Variants in ZFPM2 observed in about 807,000 individuals in gnomAD.
ZFPM2 encodes the protein zinc finger protein, FOG family member 2, also known as zinc finger protein ZFPM2.
Under a neutral mutation model 98.6 loss-of-function variants are expected in ZFPM2, and 20 were observed. That is an observed-to-expected ratio of 0.20 (90% CI 0.14 to 0.29). The LOEUF is 0.29. Ranked by LOEUF, ZFPM2 falls within the 10% of genes least tolerant of loss-of-function variation. The pLI is 1.00. For missense variants in ZFPM2, 1,310 were observed against 1,388.6 expected (o/e 0.94, Z 0.90); for synonymous variants, 518 against 502.7 (o/e 1.03, Z -0.41).
intron 5 of ZFPM2, among the ~76,000 whole-genome samples, chr8:105,721,102 G>A (rs1283268860): frequency 1.3e-5 from 2 of 151,798 alleles, no homozygotes; most frequent in Non-Finnish European, 2.9e-5. Flanking sequence ...ATAGGGGACT[G>A]GTTCCAGGAC....
chr8:105,788,989 T>C, intron 6 of ZFPM2, 65 bp downstream of exon 6: 3 of 1,368,846 alleles, frequency 2.2e-6, no homozygotes, highest in East Asian at 2.4e-5. Flanking sequence ...GAAAAAAATG[T>C]CTACTGACAA....
chr8:105,510,337 AC>A (rs1217238165), intron 3 of ZFPM2, among the ~76,000 whole-genome samples: 1 of 152,084 alleles, frequency 6.6e-6, no homozygotes, highest in African/African-American at 2.4e-5. Context: ...TTTCTGGGAA[AC>A]ACTACTTGCG....
intron 4 of ZFPM2, among the ~76,000 whole-genome samples, chr8:105,631,310 G>A (rs534000169): frequency 2.0e-5 from 3 of 152,112 alleles, no homozygotes; most frequent in East Asian, 1.9e-4. Context: ...ATGCTATTAC[G>A]TTCTTTCCAT....
chr8:105,521,147 A>G (rs184830478), intron 3 of ZFPM2, among the ~76,000 whole-genome samples: 119 of 151,982 alleles, frequency 7.8e-4, no homozygotes, highest in Non-Finnish European at 1.4e-3. Flanking sequence ...ACACACACAC[A>G]CACACAAACA....
At chr8:105,395,339 C>G (rs1337799579) in intron 1 of ZFPM2, among the ~76,000 whole-genome samples, 1 of 152,204 alleles carries the variant, frequency 6.6e-6, no homozygotes, top group African/African-American at 2.4e-5. Flanking sequence ...TGTGTCGTCT[C>G]TAATTAGAAA....
chr8:105,323,813 A>G (rs1245641198), intron 1 of ZFPM2, among the ~76,000 whole-genome samples: 2 of 151,916 alleles, frequency 1.3e-5, no homozygotes, highest in Non-Finnish European at 2.9e-5. Context: ...ATGAACTAAC[A>G]TTTTTATCTC....
chr8:105,397,855 A>G lies in ZFPM2; in HGVS notation c.41-21289A>G, dbSNP rs139445460. ...CTCCGGTTGTCAAAGCCCATATAACAGGAAAAAAAAAATCAGATATGTGCA... is the reference window on the plus strand; with the variant it reads ...CTCCGGTTGTCAAAGCCCATATAACGGGAAAAAAAAAATCAGATATGTGCA... On this transcript the variant is annotated intron_variant, in intron 1 of 7. Coordinates refer to ENST00000407775, the MANE Select transcript of ZFPM2 (RefSeq NM_012082.4). Among the ~76,000 whole-genome samples the G allele has an allele frequency of 9.4e-3, 1,431 of 152,142 alleles. 21 individuals carry two copies. The highest frequency in any genetic ancestry group is 0.032 in the African/African-American group (1,326 of 41,520).
intron 5 of ZFPM2, among the ~76,000 whole-genome samples, chr8:105,686,267 G>T (rs1275656505): frequency 6.6e-6 from 1 of 152,046 alleles, no homozygotes; most frequent in Non-Finnish European, 1.5e-5. Flanking sequence ...AGTTCAGCTT[G>T]CCAACCAAGA....
In ZFPM2 at chr8:105,543,298, C is replaced by T. The variant is rs144663309; in HGVS notation, c.302-18065C>T. 8.5e-3 allele frequency among the ~76,000 whole-genome samples: 1,292 copies of T among 152,216 alleles called. 18 individuals are homozygous for T. Among genetic ancestry groups the T allele is most frequent in the African/African-American group, 0.029 (1,224 of 41,522 alleles). On this transcript the variant is annotated intron_variant, in intron 3 of 7. Transcript: ENST00000407775. ...TCCAGGAGTTTGAGGCCAGCCTGGG[C>T]AACACGGTGAAACTCCATCTCTACA... is the stretch of plus-strand genomic sequence containing the variant.
chr8:105,611,938 T>C (rs1041595675), intron 4 of ZFPM2, among the ~76,000 whole-genome samples: 34 of 152,130 alleles, frequency 2.2e-4, no homozygotes, highest in Non-Finnish European at 8.8e-5. Context: ...CCTCAGGCGA[T>C]CCACCCAACC....
At chr8:105,359,366 T>C (rs1401194506) in intron 1 of ZFPM2, among the ~76,000 whole-genome samples, 2 of 118,816 alleles carry the variant, frequency 1.7e-5, no homozygotes, top group Non-Finnish European at 3.9e-5. Context: ...TCTTTTTCTT[T>C]CTTTTTTTTT....
chr8:105,443,762 CT>C, intron 2 of ZFPM2, among the ~76,000 whole-genome samples: 1 of 152,142 alleles, frequency 6.6e-6, no homozygotes, highest in South Asian at 2.1e-4. Context: ...TAATTATGGC[CT>C]TTTCCACTAA....
chr8:105,472,249 A>G (rs1212549595), intron 3 of ZFPM2, among the ~76,000 whole-genome samples: 1 of 152,216 alleles, frequency 6.6e-6, no homozygotes, highest in Non-Finnish European at 1.5e-5. Flanking sequence ...TTTCCATGGT[A>G]CTACCAAGTT....
At chr8:105,758,639 T>G (rs1327803764) in intron 5 of ZFPM2, among the ~76,000 whole-genome samples, 1 of 152,120 alleles carries the variant, frequency 6.6e-6, no homozygotes, top group Non-Finnish European at 1.5e-5. Flanking sequence ...TTTAGGAGTC[T>G]TATTGGGAAA....
chr8:105,537,815 C>T (rs1230338736), intron 3 of ZFPM2, among the ~76,000 whole-genome samples: 1 of 152,020 alleles, frequency 6.6e-6, no homozygotes, highest in African/African-American at 2.4e-5. Flanking sequence ...ACTGCAACCT[C>T]CACCTCCTGG....
chr8:105,581,513 G>A (rs1366245565), intron 4 of ZFPM2, among the ~76,000 whole-genome samples: 1 of 152,130 alleles, frequency 6.6e-6, no homozygotes, highest in Admixed American at 6.5e-5. Context: ...ACTGCAAATA[G>A]CGAATGCATT....
intron 4 of ZFPM2, among the ~76,000 whole-genome samples, chr8:105,574,940 G>GA (rs35315582): frequency 0.048 from 7,053 of 145,770 alleles, 209 homozygotes; most frequent in Non-Finnish European, 0.068. Flanking sequence ...GCTCCTATAG[G>GA]AAAAAAAAAA....
At chr8:105,679,796 TAAA>T (rs34883451) in intron 5 of ZFPM2, among the ~76,000 whole-genome samples, 17 of 132,884 alleles carry the variant, frequency 1.3e-4, no homozygotes, top group Admixed American at 1.0e-3. Flanking sequence ...GACTCTGTCT[TAAA>T]AAAAAAAAAA....
intron 3 of ZFPM2, among the ~76,000 whole-genome samples, chr8:105,454,883 G>C (rs1391748142): frequency 1.3e-5 from 2 of 152,122 alleles, no homozygotes; most frequent in African/African-American, 2.4e-5. Context: ...ATTTTGACGT[G>C]AACATAATAG....
Sources: allele counts gnomAD v4.1 joint callset (sites outside exome capture counted in the v4.1 genomes callset), GRCh38; gene constraint gnomAD v4.1.1; transcripts MANE v1.5; gene names NCBI Gene and HGNC (gene_info 2026-07-23, HGNC 2026-07-21).